CNTN1: variants seen among roughly 807,000 people sequenced by gnomAD.
CNTN1 encodes the protein contactin-1.
Under a neutral mutation model 126.4 loss-of-function variants are expected in CNTN1, and 38 were observed. The ratio of observed to expected loss-of-function variants is 0.30; its 90% CI spans 0.23 to 0.39. The LOEUF (loss-of-function observed/expected upper bound fraction) is 0.39, where lower values mean the gene tolerates loss of function less well. Ranked by LOEUF, CNTN1 falls within the 10% of genes least tolerant of loss-of-function variation. CNTN1 has a pLI of 1.00. For missense variants in CNTN1, 1,009 were observed against 1,248.4 expected (o/e 0.81, Z 2.89); for synonymous variants, 413 against 422.6 (o/e 0.98, Z 0.28).
chr12:40,742,055 T>C (rs1011032243), intron 1 of CNTN1, among the ~76,000 whole-genome samples: 1 of 152,036 alleles, frequency 6.6e-6, no homozygotes, highest in Non-Finnish European at 1.5e-5. Context: ...CTCCTTCTAT[T>C]TATAATAGGG....
At chr12:40,917,069 G>GGGT (rs1592252715) in intron 3 of CNTN1, among the ~76,000 whole-genome samples, 1 of 125,382 alleles carries the variant, frequency 8.0e-6, no homozygotes, top group East Asian at 3.1e-4. Flanking sequence ...GGCGGGGGGG[G>GGGT]GGGCAGAACT....
intron 23 of CNTN1, among the ~76,000 whole-genome samples, chr12:41,060,774 T>C (rs1366861901): frequency 1.3e-5 from 2 of 152,186 alleles, no homozygotes; most frequent in Non-Finnish European, 2.9e-5. Context: ...ATGAAACCCA[T>C]TATACATAAT....
chr12:41,005,315 G>T (rs1186681147), intron 17 of CNTN1, among the ~76,000 whole-genome samples: 7 of 152,212 alleles, frequency 4.6e-5, no homozygotes, highest in African/African-American at 1.7e-4. Flanking sequence ...AGTCTGATTG[G>T]CTTCCTTTGT....
At chr12:40,752,616 A>G (rs752158429) in intron 1 of CNTN1, among the ~76,000 whole-genome samples, 2 of 152,086 alleles carry the variant, frequency 1.3e-5, no homozygotes, top group Non-Finnish European at 2.9e-5. Context: ...TTCAAATAAG[A>G]CAATTCTACG....
chr12:41,024,458 C>T (rs2120811372), intron 20 of CNTN1, among the ~76,000 whole-genome samples: 1 of 151,964 alleles, frequency 6.6e-6, no homozygotes, highest in South Asian at 2.1e-4. Context: ...TTTTCTTAAA[C>T]TTTAAGAGAA....
chr12:41,019,472 A>G (rs1035907221), intron 19 of CNTN1, among the ~76,000 whole-genome samples: 1 of 152,208 alleles, frequency 6.6e-6, no homozygotes, highest in Non-Finnish European at 1.5e-5. Context: ...AGTGCTACAC[A>G]TTTGCCTTGT....
intron 17 of CNTN1, among the ~76,000 whole-genome samples, chr12:40,993,500 T>C (rs1566105106): frequency 6.6e-6 from 1 of 152,056 alleles, no homozygotes; most frequent in Non-Finnish European, 1.5e-5. Flanking sequence ...TTTAAGAATA[T>C]ATTAATTAAG....
At chr12:40,992,949 CCTCTT>C (rs1385394877) in intron 16 of CNTN1, among the ~76,000 whole-genome samples, 166 bp from the exon 17 acceptor site, 7 of 152,180 alleles carry the variant, frequency 4.6e-5, no homozygotes, top group Admixed American at 2.0e-4. Context: ...ATATATTAAA[CCTCTT>C]CTCTTACTCC....
intron 1 of CNTN1, among the ~76,000 whole-genome samples, chr12:40,865,751 CTG>C (rs1943274244): frequency 6.6e-6 from 1 of 151,958 alleles, no homozygotes; most frequent in Non-Finnish European, 1.5e-5. Flanking sequence ...AAATTTAGAA[CTG>C]TGAATTCTCC....
At chr12:41,055,001 G>C (rs1348780785) in intron 23 of CNTN1, among the ~76,000 whole-genome samples, 1 of 152,062 alleles carries the variant, frequency 6.6e-6, no homozygotes, top group East Asian at 1.9e-4. Context: ...AAATATTTTT[G>C]TTTTGGTTTT....
intron 23 of CNTN1, among the ~76,000 whole-genome samples, chr12:41,068,837 T>C (rs1264738396): frequency 1.3e-5 from 2 of 152,150 alleles, no homozygotes; most frequent in Non-Finnish European, 2.9e-5. Context: ...TCATTGAAGA[T>C]AGTGCCAGCC....
intron 23 of CNTN1, among the ~76,000 whole-genome samples, chr12:41,052,346 T>G (rs764329188): frequency 3.3e-5 from 5 of 152,192 alleles, no homozygotes; most frequent in Non-Finnish European, 7.3e-5. Context: ...ATCTGCTACA[T>G]GCCTATAGCA....
chr12:41,037,535 G>A (rs572846997), intron 23 of CNTN1, among the ~76,000 whole-genome samples: 15 of 152,188 alleles, frequency 9.9e-5, no homozygotes, highest in African/African-American at 3.1e-4. Flanking sequence ...TTCGCACAAT[G>A]AGGAAGTTGC....
intron 23 of CNTN1, among the ~76,000 whole-genome samples, chr12:41,057,310 G>C (rs1177977407): frequency 1.3e-5 from 2 of 149,908 alleles, no homozygotes; most frequent in Non-Finnish European, 3.0e-5. Flanking sequence ...CCTGGTCCAA[G>C]ATTATATTCT....
At chr12:40,707,903 T>C (rs909984297) in intron 1 of CNTN1, among the ~76,000 whole-genome samples, 3 of 152,360 alleles carry the variant, frequency 2.0e-5, no homozygotes, top group South Asian at 4.1e-4. Flanking sequence ...ATAATTTATG[T>C]ACAAACTAAG....
At position 40,793,014 on chromosome 12, in the gene CNTN1, G is replaced by A. The variant is rs540295749; in HGVS notation, c.-77+100422G>A. On this transcript the variant is annotated intron_variant, in intron 1 of 23. Coordinates refer to ENST00000551295, the MANE Select transcript of CNTN1 (RefSeq NM_001843.4). ...TGAAATAAACAGCCAGGCTTTCTCC[G>A]GAGTCCTCCTTAGCCTCATCTAAAA... Among the ~76,000 whole-genome samples the A allele has an allele frequency of 5.3e-5, 8 of 152,092 alleles. No individual in the cohort carries two copies. The East Asian group carries it at 7.7e-4, about 15-fold the overall frequency.
intron 15 of CNTN1, among the ~76,000 whole-genome samples, chr12:40,975,665 G>C (rs1164063551): frequency 6.6e-6 from 1 of 152,172 alleles, no homozygotes; most frequent in Non-Finnish European, 1.5e-5. Context: ...AATAGTAAGA[G>C]AGGGGGTCAT....
intron 1 of CNTN1, among the ~76,000 whole-genome samples, chr12:40,897,110 G>T (rs967460407): frequency 2.0e-4 from 30 of 152,228 alleles, no homozygotes; most frequent in African/African-American, 7.0e-4. Flanking sequence ...ACACATAAAA[G>T]TATTTAATAG....
chr12:40,925,577 ACG>A (rs1312066260), intron 6 of CNTN1, among the ~76,000 whole-genome samples: 2 of 127,628 alleles, frequency 1.6e-5, no homozygotes, highest in African/African-American at 5.6e-5. Context: ...ATACGTATAT[ACG>A]TATATATACA....
Sources: allele counts gnomAD v4.1 joint callset (sites outside exome capture counted in the v4.1 genomes callset), GRCh38; gene constraint gnomAD v4.1.1; transcripts MANE v1.5; gene names NCBI Gene and HGNC (gene_info 2026-07-23, HGNC 2026-07-21).